The following TTC17 variants were observed in gnomAD, a reference collection of about 807,000 sequenced individuals.
TTC17 encodes tetratricopeptide repeat domain 17.
In TTC17, 58 loss-of-function variants were observed where a neutral mutation model predicts 143.8. The ratio of observed to expected loss-of-function variants is 0.40; its 90% CI spans 0.33 to 0.50. The LOEUF is 0.50. Ranked by LOEUF, TTC17 falls within the 20% of genes least tolerant of loss-of-function variation. TTC17 has a pLI of 0.49. For missense variants in TTC17, 1,273 were observed against 1,392.5 expected, an observed-to-expected ratio of 0.91 and a Z score of 1.37; for synonymous variants, 501 against 497.8, an observed-to-expected ratio of 1.01 and a Z score of -0.09.
At chr11:43,420,899 G>T (rs1476331755) in intron 16 of TTC17, among the ~76,000 whole-genome samples, 1 of 152,132 alleles carries the variant, frequency 6.6e-6, no homozygotes, top group Non-Finnish European at 1.5e-5. Context: ...TAAGAAATAT[G>T]AAATTTGATA....
intron 16 of TTC17, among the ~76,000 whole-genome samples, chr11:43,442,754 A>G (rs544904031): frequency 6.6e-6 from 1 of 152,312 alleles, no homozygotes; most frequent in Non-Finnish European, 1.5e-5. Context: ...AGCCACCTAA[A>G]TAATATCTTG....
intron 21 of TTC17, among the ~76,000 whole-genome samples, chr11:43,463,400 A>G (rs1947909413): frequency 6.6e-6 from 1 of 152,224 alleles, no homozygotes; most frequent in Non-Finnish European, 1.5e-5. Context: ...TTACAAAATA[A>G]AAATAGCATA....
intron 21 of TTC17, among the ~76,000 whole-genome samples, chr11:43,471,636 A>T (rs1388805716): frequency 2.6e-5 from 4 of 152,232 alleles, no homozygotes; most frequent in African/African-American, 9.6e-5. Flanking sequence ...TTCGAAGCCA[A>T]AAGGTTAACA....
chr11:43,453,578 G>A (rs1173443165), intron 21 of TTC17, among the ~76,000 whole-genome samples: 2 of 152,154 alleles, frequency 1.3e-5, no homozygotes, highest in Non-Finnish European at 2.9e-5. Context: ...TTGTTTCCAT[G>A]AGCCCCTTCT....
chr11:43,440,036 T>C (rs553880720), intron 16 of TTC17, among the ~76,000 whole-genome samples: 222 of 152,324 alleles, frequency 1.5e-3, no homozygotes, highest in Non-Finnish European at 2.2e-3. Context: ...ATACCATCTG[T>C]CCTACAAGCA....
intron 10 of TTC17, among the ~76,000 whole-genome samples, chr11:43,401,853 C>G (rs905537373): frequency 6.6e-6 from 1 of 151,966 alleles, no homozygotes; most frequent in African/African-American, 2.4e-5. Context: ...TGGCATGCAC[C>G]TGTAGTCCCA....
intron 9 of TTC17, among the ~76,000 whole-genome samples, chr11:43,401,243 T>C (rs1335793463): frequency 6.6e-6 from 1 of 152,208 alleles, no homozygotes; most frequent in Non-Finnish European, 1.5e-5. Context: ...CCTTTGTTTT[T>C]GTAGGTGGAA....
chr11:43,484,368 TA>T (rs1362731092), intron 21 of TTC17, among the ~76,000 whole-genome samples: 2 of 152,168 alleles, frequency 1.3e-5, no homozygotes, highest in Non-Finnish European at 2.9e-5. Flanking sequence ...TACATCGTTA[TA>T]AAAATATAAA....
At chr11:43,489,490 C>G (rs1948434750) in intron 21 of TTC17, among the ~76,000 whole-genome samples, 1 of 152,142 alleles carries the variant, frequency 6.6e-6, no homozygotes, top group Admixed American at 6.5e-5. Context: ...GTAATCCCAG[C>G]ACTTTGGGAG....
chr11:43,480,479 T>G (rs1590497786), intron 21 of TTC17, among the ~76,000 whole-genome samples: 1 of 152,318 alleles, frequency 6.6e-6, no homozygotes, highest in Non-Finnish European at 1.5e-5. Flanking sequence ...TAGAAAAATT[T>G]ACTACCAAGA....
intron 16 of TTC17, among the ~76,000 whole-genome samples, chr11:43,442,132 C>T (rs545551053): frequency 3.6e-4 from 55 of 152,160 alleles, no homozygotes; most frequent in African/African-American, 1.1e-3. Context: ...CGTAGGCAAG[C>T]GTAACACAAT....
At chr11:43,373,320 G>T (rs1027626589) in intron 1 of TTC17, among the ~76,000 whole-genome samples, 2 of 149,896 alleles carry the variant, frequency 1.3e-5, no homozygotes, top group South Asian at 2.1e-4. Context: ...CAGTTTAAAA[G>T]AAGCTTTTTT....
chr11:43,455,347 A>G (rs904957676), intron 21 of TTC17, among the ~76,000 whole-genome samples: 2 of 151,944 alleles, frequency 1.3e-5, no homozygotes, highest in African/African-American at 4.8e-5. Flanking sequence ...AATAAACTAA[A>G]AGCAAAAGAA....
intron 16 of TTC17, chr11:43,435,281 C>A (rs981685869): frequency 1.3e-5 from 2 of 152,178 alleles, no homozygotes; most frequent in Non-Finnish European, 2.9e-5. Context: ...AATGCATTTT[C>A]ATTGACAATG....
At chr11:43,458,821 G>A (rs1410163721) in intron 21 of TTC17, among the ~76,000 whole-genome samples, 1 of 152,064 alleles carries the variant, frequency 6.6e-6, no homozygotes, top group Non-Finnish European at 1.5e-5. Flanking sequence ...AGAGAAAGAT[G>A]CAGACCACAT....
At chr11:43,442,456 A>G (rs1947444257) in intron 16 of TTC17, among the ~76,000 whole-genome samples, 1 of 152,210 alleles carries the variant, frequency 6.6e-6, no homozygotes, top group Non-Finnish European at 1.5e-5. Flanking sequence ...TACTTCCTAA[A>G]GGGACTAGGG....
chr11:43,492,125 G>A lies in TTC17; in HGVS notation c.3256G>A (p.Val1086Met). The A allele has an allele frequency of 6.2e-7, 1 of 1,614,108 alleles. No homozygotes were observed. The highest frequency in any genetic ancestry group is 8.5e-7 in the Non-Finnish European group (1 of 1,179,988). The change falls in exon 23 of 24, where the codon GTG (valine) becomes ATG (methionine). Residue 1086 changes from valine (V) to methionine (M), a missense_variant. This residue lies in a region of TTC17 where 878 missense variants were observed against 899.8 expected (regional missense o/e 0.98). Coordinates refer to ENST00000039989, the MANE Select transcript of TTC17 (RefSeq NM_018259.6). ...MAVEIAPHFAVNHFTLGNVYV... is the reference protein window; with the variant it reads ...MAVEIAPHFAMNHFTLGNVYV... ...AGTAGAGATCGCACCACACTTTGCT[G>A]TGAACCACTTCACTCTGGGCAATGT...
At chr11:43,443,880 A>G (rs1185707477) in intron 17 of TTC17, among the ~76,000 whole-genome samples, 176 bp from the exon 18 acceptor site, 3 of 152,160 alleles carry the variant, frequency 2.0e-5, no homozygotes, top group Non-Finnish European at 4.4e-5. Flanking sequence ...ATTCTTCGAG[A>G]CTAGGTTATT....
chr11:43,493,983 A>T lies in TTC17; in HGVS notation c.*79A>T. 2 of 1,482,392 alleles carry T rather than the reference A, an allele frequency of 1.3e-6. No individual in the cohort carries two copies. Among genetic ancestry groups the T allele is most frequent in the Non-Finnish European group, 1.8e-6 (2 of 1,108,358 alleles). The allele number at this position is 1,482,392 out of a possible 1,614,324, so 91.8% of individuals were successfully genotyped here. ...AGAAAAGAAACCAATCATTGTCAGT[A>T]TCTACTATTAATGATGTGTGTGAAA... On this transcript the variant is annotated 3_prime_UTR_variant, in exon 24 of 24. Coordinates refer to ENST00000039989, the MANE Select transcript of TTC17 (RefSeq NM_018259.6).
Sources: allele counts gnomAD v4.1 joint callset (sites outside exome capture counted in the v4.1 genomes callset), GRCh38; gene constraint gnomAD v4.1.1; regional missense constraint gnomAD v4.1.1; transcripts MANE v1.5; gene names NCBI Gene and HGNC (gene_info 2026-07-23, HGNC 2026-07-21).